PDGFRB: variants seen among roughly 807,000 people sequenced by gnomAD.
PDGFRB encodes platelet derived growth factor receptor beta.
A neutral mutation model predicts 120.2 loss-of-function variants in PDGFRB; 42 were observed. That is an observed-to-expected ratio of 0.35 (90% CI 0.27 to 0.45). PDGFRB has a LOEUF of 0.45. Among genes scored for constraint, PDGFRB ranks in the 20% least tolerant of loss-of-function variants. The pLI, the probability that PDGFRB is intolerant of heterozygous loss-of-function variation, is 1.00. For missense variants in PDGFRB, 1,149 were observed against 1,476.3 expected, an observed-to-expected ratio of 0.78 and a Z score of 3.63; for synonymous variants, 586 against 606.8, an observed-to-expected ratio of 0.97 and a Z score of 0.50.
In PDGFRB at chr5:150,121,266, T is replaced by C. The variant is rs1339400864; in HGVS notation, c.2401A>G (p.Met801Val). 5 of 1,609,584 alleles carry C rather than the reference T, an allele frequency of 3.1e-6. No individual in the cohort carries two copies. Among genetic ancestry groups the C allele is most frequent in the Admixed American group, 1.7e-5 (1 of 59,986 alleles). Reference sequence around the variant, plus strand: ...TGGTAGCTGAAGCCCACGAGGTCCATGTAGCTTAGCACTGGAGACTCGTTG... The same window carrying C: ...TGGTAGCTGAAGCCCACGAGGTCCACGTAGCTTAGCACTGGAGACTCGTTG... ...LINESPVLSY[M>V]DLVGFSYQVA... The change falls in exon 17 of 23, where the codon ATG becomes GTG. Residue 801 changes from methionine to valine, a missense_variant. Met to Val is a conservative substitution (Grantham distance 21). This residue lies in a region of PDGFRB where 879 missense variants were observed against 1,108.6 expected (regional missense o/e 0.79). Transcript: ENST00000261799. This position sits in a 1 kb window ranked among gnomAD's most constrained non-coding sequence, Gnocchi z 4.1.
rs545316804 is a variant in PDGFRB, at chr5:150,113,921, A to C, written c.*1842T>G. The stretch of plus-strand genomic sequence containing the variant: ...AGATAGAAAAACTCAACAGCATACA[A>C]AATAGCATTTCTGCTGTATAAATGT... On this transcript the variant is annotated 3_prime_UTR_variant, in exon 23 of 23. Transcript: ENST00000261799. 3.0e-5 allele frequency: 7 copies of C among 233,296 alleles called. No individual in the cohort carries two copies. The highest frequency in any genetic ancestry group is 5.6e-5 in the Admixed American group (1 of 17,780). The allele number at this position is 233,296 out of a possible 1,614,324, so 14.5% of individuals were successfully genotyped here.
chr5:150,124,755 C>A lies in PDGFRB; in HGVS notation c.1884G>T (p.Thr628=), dbSNP rs201518972. The change falls in exon 13 of 23, where the codon ACG becomes ACT. Residue 628 remains threonine (T), a synonymous_variant. Coordinates refer to ENST00000261799, the MANE Select transcript of PDGFRB (RefSeq NM_002609.4). The part of the protein sequence containing the change: ...TAHGLSHSQA[T]MKVAVKMLKS... ...TAAGCATCTTGACGGCCACTTTCAT[C>A]GTGGCCTGAGAATGGCTCAGGCCAT... 6.3e-7 allele frequency: 1 copy of A among 1,596,894 alleles called. No homozygotes were observed. The highest frequency in any genetic ancestry group is 8.6e-7 in the Non-Finnish European group (1 of 1,165,562).
At chr5:150,124,179 G>A (rs1360507885) in intron 14 of PDGFRB, 71 bp downstream of exon 14, 1 of 1,022,268 alleles carries the variant, frequency 9.8e-7, no homozygotes, top group South Asian at 1.4e-5. Flanking sequence ...AGGCCTGAGG[G>A]GGGGGTAGGC....
At chr5:150,148,716 C>T (rs1237655082) in intron 1 of PDGFRB, among the ~76,000 whole-genome samples, 3 of 152,236 alleles carry the variant, frequency 2.0e-5, no homozygotes, top group Non-Finnish European at 4.4e-5. Flanking sequence ...GAGATGATGA[C>T]GCACAGCACT....
rs1419061709 is a variant in PDGFRB at position 150,115,251 on chromosome 5, G to A, written c.*512C>T. On this transcript the variant is annotated 3_prime_UTR_variant, in exon 23 of 23. Coordinates refer to ENST00000261799, the MANE Select transcript of PDGFRB (RefSeq NM_002609.4). The stretch of plus-strand genomic sequence containing the variant: ...TCTGGATGAGGCAACACTGCTCAAG[G>A]CTAGGCCCTAGCTCAGCCAGCAGCC... 3 of 233,188 alleles carry A rather than the reference G, an allele frequency of 1.3e-5. No individual in the cohort carries two copies. The highest frequency in any genetic ancestry group is 1.1e-4 in the Admixed American group (2 of 17,782). The allele number at this position is 233,188 out of a possible 1,614,324, so 14.4% of individuals were successfully genotyped here.
chr5:150,142,620 G>A (rs1246574649), intron 1 of PDGFRB, among the ~76,000 whole-genome samples: 3 of 149,976 alleles, frequency 2.0e-5, no homozygotes, highest in Non-Finnish European at 2.9e-5. Flanking sequence ...CCCACTTATA[G>A]GATAGTGGTC....
intron 1 of PDGFRB, among the ~76,000 whole-genome samples, chr5:150,144,837 C>T (rs1471921467): frequency 6.6e-6 from 1 of 152,148 alleles, no homozygotes; most frequent in African/African-American, 2.4e-5. Flanking sequence ...TCCTGCGGTG[C>T]CTTGAGGGTT....
intron 1 of PDGFRB, among the ~76,000 whole-genome samples, chr5:150,149,132 C>G (rs1761004749): frequency 6.6e-6 from 1 of 152,152 alleles, no homozygotes. Context: ...CAGGGCAATG[C>G]TGTAACTCCA....
At chr5:150,135,322 A>ATAT in intron 3 of PDGFRB, among the ~76,000 whole-genome samples, 1 of 152,298 alleles carries the variant, frequency 6.6e-6, no homozygotes, top group East Asian at 1.9e-4. Flanking sequence ...GCAGCTGAGA[A>ATAT]TATAGAGTTC....
intron 1 of PDGFRB, among the ~76,000 whole-genome samples, chr5:150,150,579 G>C (rs1761048530): frequency 6.6e-6 from 1 of 152,124 alleles, no homozygotes; most frequent in Non-Finnish European, 1.5e-5. Flanking sequence ...CCAGGCTGGG[G>C]GTGGGCTACC....
chr5:150,128,717 T>A (rs745943420), intron 10 of PDGFRB, among the ~76,000 whole-genome samples: 1 of 152,228 alleles, frequency 6.6e-6, no homozygotes, highest in Non-Finnish European at 1.5e-5. Context: ...TTTTCTAGAA[T>A]ACTTTCCTGA....
intron 13 of PDGFRB, 157 bp from the exon 14 acceptor site, chr5:150,124,517 C>A (rs1026072952): frequency 1.6e-6 from 1 of 642,440 alleles, no homozygotes; most frequent in Non-Finnish European, 2.8e-6. Flanking sequence ...GGGGAAGAGG[C>A]CAGGGTAGGG....
At chr5:150,150,110 C>T (rs1208746010) in intron 1 of PDGFRB, among the ~76,000 whole-genome samples, 1 of 152,196 alleles carries the variant, frequency 6.6e-6, no homozygotes, top group Non-Finnish European at 1.5e-5. Flanking sequence ...GACGGCTTTG[C>T]TCCTTTTCAG....
chr5:150,131,907 G>T, intron 8 of PDGFRB, 72 bp downstream of exon 8: 1 of 818,734 alleles, frequency 1.2e-6, no homozygotes, highest in Non-Finnish European at 2.1e-6. Flanking sequence ...TGGGTGGACA[G>T]TGCAGGAAGG....
chr5:150,139,018 G>A (rs565941290), intron 1 of PDGFRB, among the ~76,000 whole-genome samples: 1 of 152,282 alleles, frequency 6.6e-6, no homozygotes, highest in South Asian at 2.1e-4. Context: ...ATGTGGGCTG[G>A]GCCTTCATGG....
chr5:150,146,169 CTA>C (rs1222757275), intron 1 of PDGFRB, among the ~76,000 whole-genome samples: 1 of 151,904 alleles, frequency 6.6e-6, no homozygotes, highest in African/African-American at 2.4e-5. Context: ...AGAGGGCAGA[CTA>C]TTGAGAATTG....
chr5:150,124,900 T>TC, intron 12 of PDGFRB, 69 bp from the exon 13 acceptor site: 2 of 287,498 alleles, frequency 7.0e-6, no homozygotes, highest in Non-Finnish European at 5.7e-6. Flanking sequence ...GCTGCCCCCC[T>TC]CCCCCCACTC....
In PDGFRB at chr5:150,127,707, T is replaced by G. The variant is rs558776081; in HGVS notation, c.1580-1093A>C. ...AAAATAGCTGGGCGTGGTGGTGGAC[T>G]GCTGTCATCCCAGCTATTTGGGAGG... On this transcript the variant is annotated intron_variant, in intron 10 of 22. Transcript: ENST00000261799. Among the ~76,000 whole-genome samples, 7 of 151,828 alleles carry G rather than the reference T, an allele frequency of 4.6e-5. No homozygotes were observed. The South Asian group carries it at 1.3e-3, about 27-fold the overall frequency.
In PDGFRB at chr5:150,132,611, C is replaced by T. The variant is rs549942506; in HGVS notation, c.1127+139G>A. On this transcript the variant is annotated intron_variant, in intron 7 of 22. Transcript: ENST00000261799. The surrounding 1 kb of genome is among the most constrained non-coding windows in gnomAD (Gnocchi z 5.0). ...GGAGGGATGAACTGTCAGCTCTGGT[C>T]GCTGCAGCATCCCCAGCACCTGGCA... 122 of 732,760 alleles carry T rather than the reference C, an allele frequency of 1.7e-4. No individual in the cohort carries two copies. Among genetic ancestry groups the T allele is most frequent in the Non-Finnish European group, 2.4e-4 (109 of 454,144 alleles). The allele number at this position is 732,760 out of a possible 1,614,324, so 45.4% of individuals were successfully genotyped here.
Sources: gnomAD v4.1 joint callset for allele counts (sites outside exome capture counted in the v4.1 genomes callset) on GRCh38, gnomAD v4.1.1 for gene constraint, gnomAD v4.1.1 regional missense constraint, Gnocchi (gnomAD v3.1) non-coding constraint, MANE v1.5 for transcripts, NCBI Gene and HGNC (gene_info 2026-07-23, HGNC 2026-07-21) for gene names.